The following HERC6 variants were observed in gnomAD, a reference collection of about 807,000 sequenced individuals.
The protein encoded by HERC6 is probable E3 ubiquitin-protein ligase HERC6.
HERC6 carries 101 observed loss-of-function variants against 114.5 expected under a neutral mutation model. The ratio of observed to expected loss-of-function variants is 0.88; its 90% CI spans 0.75 to 1.04. The LOEUF (loss-of-function observed/expected upper bound fraction) is 1.04, where lower values mean the gene tolerates loss of function less well. Among genes scored for constraint, HERC6 ranks in the 50% least tolerant of loss-of-function variants. The pLI is 0.00. For missense variants in HERC6, 1,133 were observed against 1,230.9 expected (o/e 0.92, Z 1.19); for synonymous variants, 408 against 436.2 (o/e 0.94, Z 0.81).
At chr4:88,394,244 G>A (rs1735084280) in intron 5 of HERC6, among the ~76,000 whole-genome samples, 1 of 152,040 alleles carries the variant, frequency 6.6e-6, no homozygotes, top group Non-Finnish European at 1.5e-5. Context: ...GGAGGCCAAG[G>A]CGGGCAGATC....
intron 15 of HERC6, among the ~76,000 whole-genome samples, chr4:88,426,562 C>A (rs530425525): frequency 6.6e-6 from 1 of 152,056 alleles, no homozygotes; most frequent in Admixed American, 6.6e-5. Flanking sequence ...TCACTGTAAC[C>A]TTCACCTCCC....
Position 88,396,878 on chromosome 4 carries a change from C to T in HERC6, c.915C>T (p.Thr305=). Reference sequence around the variant, plus strand: ...ATCACACCCTGGCATATGTGCACACCACTGGTCAGGTGGTATCTTTTGGTC... The same window carrying T: ...ATCACACCCTGGCATATGTGCACACTACTGGTCAGGTGGTATCTTTTGGTC... ...GSYHTLAYVH[T]TGQVVSFGHG... Residue 305 remains threonine, a synonymous_variant, in exon 7 of 23, where the codon ACC becomes ACT. Coordinates refer to ENST00000264346, the MANE Select transcript of HERC6 (RefSeq NM_017912.4). 3 of 1,602,692 alleles carry T rather than the reference C, an allele frequency of 1.9e-6. No individual in the cohort carries two copies. In the East Asian group the frequency reaches 6.8e-5, roughly 36 times the overall value.
chr4:88,417,403 A>G (rs761554444), intron 12 of HERC6, 22 bp from the exon 13 acceptor site: 23 of 1,600,526 alleles, frequency 1.4e-5, no homozygotes, highest in Middle Eastern at 3.3e-4. Context: ...CATATTTATC[A>G]TGGCTAATTT....
At chr4:88,427,770 C>A (rs1578418221) in intron 15 of HERC6, among the ~76,000 whole-genome samples, 1 of 152,124 alleles carries the variant, frequency 6.6e-6, no homozygotes, top group East Asian at 1.9e-4. Context: ...AGGACAGGCC[C>A]TATGAGGGCT....
In HERC6 at chr4:88,440,177, A is replaced by T. The variant is rs1035460160; in HGVS notation, c.2769A>T (p.Lys923Asn). ...CAAAGTATGAGCAAGGATACCAAAA[A>T]TCACATCCTACTATACAGTTGTTTT... ...QNSKYEQGYQKSHPTIQLFWK... is the reference protein window; with the variant it reads ...QNSKYEQGYQNSHPTIQLFWK... Residue 923 changes from lysine to asparagine, a missense_variant, in exon 22 of 23, where the codon AAA (lysine) becomes AAT (asparagine). Transcript: ENST00000264346. 1 of 1,609,598 alleles carries T rather than the reference A, an allele frequency of 6.2e-7. No homozygotes were observed. The highest frequency in any genetic ancestry group is 1.3e-5 in the African/African-American group (1 of 74,988).
intron 3 of HERC6, among the ~76,000 whole-genome samples, chr4:88,388,658 A>G (rs1734728775): frequency 6.6e-6 from 1 of 152,110 alleles, no homozygotes; most frequent in Non-Finnish European, 1.5e-5. Flanking sequence ...CCAATGGGGT[A>G]GAGAAGCTTA....
At chr4:88,439,324 C>T (rs1292845416) in intron 20 of HERC6, among the ~76,000 whole-genome samples, 2 of 147,662 alleles carry the variant, frequency 1.4e-5, no homozygotes, top group African/African-American at 2.5e-5. Flanking sequence ...GCCTGGGCAA[C>T]ACAGGGAGAC....
chr4:88,393,351 CTA>C (rs1735020552), intron 4 of HERC6, 135 bp from the exon 5 acceptor site: 2 of 369,860 alleles, frequency 5.4e-6, no homozygotes, highest in African/African-American at 2.1e-5. Context: ...AATCTGAAAA[CTA>C]TGTTAGTGAA....
At position 88,383,319 on chromosome 4, in the gene HERC6, G is replaced by T; in HGVS notation, c.298G>T (p.Gly100Ter). 1 of 1,570,424 alleles carries T rather than the reference G, an allele frequency of 6.4e-7. No homozygotes were observed. The highest frequency in any genetic ancestry group is 2.3e-5 in the East Asian group (1 of 43,540). Residue 100 changes from glycine to a stop codon, truncating the protein, a stop_gained, in exon 2 of 23, where the codon GGA becomes TGA. Transcript: ENST00000264346. LOFTEE classifies it high-confidence loss of function. ...CCACAAAGGAAGGGTCTTCGCATGG[G>T]GAGCTGGTTCTGAAGGGCAGCTGGG... ...VCHKGRVFAW[G>*]AGSEGQLGIG...
Position 88,424,592 on chromosome 4 carries a change from T to C in HERC6, c.1828-3T>C. On this transcript the variant is annotated splice_polypyrimidine_tract_variant and splice_region_variant and intron_variant, in intron 14 of 22. Coordinates refer to ENST00000264346, the MANE Select transcript of HERC6 (RefSeq NM_017912.4). Reference sequence around the variant, plus strand: ...AAAACTATTATCTCTGTTTATTTTTTAGATACCTGCAGAAACCCCCAGTCC... The same window carrying C: ...AAAACTATTATCTCTGTTTATTTTTCAGATACCTGCAGAAACCCCCAGTCC... 6.3e-7 allele frequency: 1 copy of C among 1,580,636 alleles called. No homozygotes were observed.
chr4:88,405,044 G>A, intron 9 of HERC6, 47 bp downstream of exon 9: 2 of 1,587,470 alleles, frequency 1.3e-6, no homozygotes, highest in Non-Finnish European at 1.7e-6. Flanking sequence ...TGGTTCTGGG[G>A]CTTTGGTCAT....
rs774162619 is a variant in HERC6, at chr4:88,435,883, GT to G, written c.2411del (p.Leu804TrpfsTer9). Reference protein sequence around the residue: ...LEDLKELSPRLGKSLQEVLDD... With the variant: ...LEDLKELSPRXGKSLQEVLDD... ...AAGATTTAAAAGAACTCAGTCCTCGGTTGGGGAAGTAAGTAAATATAACGTT... is the reference window on the plus strand; with the variant it reads ...AAGATTTAAAAGAACTCAGTCCTCGGTGGGGAAGTAAGTAAATATAACGTT... On this transcript the variant is annotated frameshift_variant, in exon 18 of 23. Coordinates refer to ENST00000264346, the MANE Select transcript of HERC6 (RefSeq NM_017912.4). LOFTEE classifies it high-confidence loss of function. 3 of 1,600,004 alleles carry G rather than the reference GT, an allele frequency of 1.9e-6. No homozygotes were observed. In the African/African-American group the frequency reaches 4.1e-5, roughly 22 times the overall value.
intron 2 of HERC6, among the ~76,000 whole-genome samples, chr4:88,383,938 A>G (rs568562512): frequency 6.6e-6 from 1 of 152,190 alleles, no homozygotes; most frequent in East Asian, 1.9e-4. Flanking sequence ...TATCTCTTGG[A>G]ATATAACTGT....
intron 20 of HERC6, among the ~76,000 whole-genome samples, chr4:88,439,342 C>T (rs1235255247): frequency 7.2e-6 from 1 of 139,678 alleles, no homozygotes; most frequent in Admixed American, 7.5e-5. Context: ...GACCCCATCT[C>T]TTAAAAAAAA....
intron 20 of HERC6, among the ~76,000 whole-genome samples, chr4:88,438,035 A>C (rs1738935761): frequency 7.0e-6 from 1 of 143,688 alleles, no homozygotes; most frequent in Non-Finnish European, 1.5e-5. Context: ...AAGGAGGCTG[A>C]GGATTGCTTG....
At chr4:88,381,418 T>G (rs186926367) in intron 1 of HERC6, among the ~76,000 whole-genome samples, 6 of 152,102 alleles carry the variant, frequency 3.9e-5, no homozygotes. Context: ...GTTTGGACTT[T>G]AAAGGATGAT....
chr4:88,417,947 T>TAA (rs5860133), intron 13 of HERC6, among the ~76,000 whole-genome samples: 2 of 144,060 alleles, frequency 1.4e-5, no homozygotes, highest in Non-Finnish European at 1.5e-5. Context: ...CCACATTTCT[T>TAA]AAAAAAAAAA....
At chr4:88,405,519 ATGT>A in intron 9 of HERC6, 32 bp from the exon 10 acceptor site, 1 of 1,215,864 alleles carries the variant, frequency 8.2e-7, no homozygotes, top group Admixed American at 2.3e-5. Context: ...GCTTTATTAT[ATGT>A]TGTGACTTAC....
At chr4:88,426,457 C>T (rs962931951) in intron 15 of HERC6, among the ~76,000 whole-genome samples, 1 of 150,188 alleles carries the variant, frequency 6.7e-6, no homozygotes, top group African/African-American at 2.5e-5. Context: ...CGTGAGCCAC[C>T]GCACCCGGCT....
Sources: gnomAD v4.1 joint callset for allele counts (sites outside exome capture counted in the v4.1 genomes callset) on GRCh38, gnomAD v4.1.1 for gene constraint, MANE v1.5 for transcripts, NCBI Gene and HGNC (gene_info 2026-07-23, HGNC 2026-07-21) for gene names.